The following ESRRG variants were observed in gnomAD, a reference collection of about 807,000 sequenced individuals.
The protein encoded by ESRRG is estrogen-related receptor gamma.
A neutral mutation model predicts 44.0 loss-of-function variants in ESRRG; 13 were observed. The observed-to-expected ratio is 0.30, with a 90% confidence interval of 0.19 to 0.47. The LOEUF (loss-of-function observed/expected upper bound fraction) is 0.47. ESRRG is among the 20% of genes least tolerant of loss of function. ESRRG has a pLI of 1.00. For missense variants in ESRRG, 395 were observed against 580.6 expected (o/e 0.68, Z 3.29); for synonymous variants, 215 against 214.6 (o/e 1.00, Z -0.02).
At chr1:216,722,103 T>C (rs1282920591) in intron 1 of ESRRG, among the ~76,000 whole-genome samples, 5 of 152,200 alleles carry the variant, frequency 3.3e-5, no homozygotes, top group African/African-American at 9.6e-5. Context: ...CAATGCAATA[T>C]GCAGTCACTA....
chr1:216,903,756 TGCCCCTGACA>T, intron 2 of ESRRG, among the ~76,000 whole-genome samples: 1 of 152,168 alleles, frequency 6.6e-6, no homozygotes, highest in East Asian at 1.9e-4. Context: ...TTAAACTAAA[TGCCCCTGACA>T]TGCCATCTAT....
intron 1 of ESRRG, among the ~76,000 whole-genome samples, chr1:217,035,409 T>C (rs552975513): frequency 2.1e-4 from 31 of 151,024 alleles, no homozygotes; most frequent in Admixed American, 1.2e-3. Context: ...CTAGTCCTAG[T>C]GGGTACATAA....
At chr1:217,088,994 G>A (rs1483816128) in intron 1 of ESRRG, among the ~76,000 whole-genome samples, 1 of 152,046 alleles carries the variant, frequency 6.6e-6, no homozygotes, top group African/African-American at 2.4e-5. Context: ...GGAAAGCAGC[G>A]TAGAGGACAG....
At chr1:216,851,272 A>G (rs191976970) in intron 2 of ESRRG, among the ~76,000 whole-genome samples, 43 of 152,228 alleles carry the variant, frequency 2.8e-4, no homozygotes, top group South Asian at 1.2e-3. Flanking sequence ...TTGAGTCAGC[A>G]GACCTGAAAC....
At chr1:216,849,883 T>C (rs2095815302) in intron 2 of ESRRG, among the ~76,000 whole-genome samples, 1 of 152,120 alleles carries the variant, frequency 6.6e-6, no homozygotes, top group African/African-American at 2.4e-5. Flanking sequence ...ACATGACTCT[T>C]TCAACTATTC....
At chr1:216,695,406 T>C (rs1260756422) in intron 1 of ESRRG, among the ~76,000 whole-genome samples, 1 of 152,158 alleles carries the variant, frequency 6.6e-6, no homozygotes, top group Non-Finnish European at 1.5e-5. Flanking sequence ...TATTATACAA[T>C]AGTTATGCAA....
chr1:216,685,370 T>G (rs902363672), intron 1 of ESRRG, among the ~76,000 whole-genome samples: 17 of 152,216 alleles, frequency 1.1e-4, no homozygotes, highest in African/African-American at 2.4e-5. Context: ...CAGTAAGCTT[T>G]CTAGGGGAAA....
intron 2 of ESRRG, among the ~76,000 whole-genome samples, chr1:216,830,851 A>T (rs982778322): frequency 2.0e-5 from 3 of 152,206 alleles, no homozygotes; most frequent in African/African-American, 7.2e-5. Flanking sequence ...GGATGCTTTT[A>T]TGAGGCTATA....
chr1:216,579,224 T>A (rs1242184850), intron 3 of ESRRG, among the ~76,000 whole-genome samples: 1 of 152,158 alleles, frequency 6.6e-6, no homozygotes, highest in African/African-American at 2.4e-5. Flanking sequence ...TATTTGGACA[T>A]CTGGATTACA....
intron 2 of ESRRG, among the ~76,000 whole-genome samples, chr1:216,651,858 A>G (rs2069063526): frequency 6.6e-6 from 1 of 152,200 alleles, no homozygotes; most frequent in African/African-American, 2.4e-5. Context: ...TAGTACCTAC[A>G]TATTTAAAAT....
At chr1:216,983,591 A>G (rs572547211) in intron 1 of ESRRG, among the ~76,000 whole-genome samples, 1 of 151,652 alleles carries the variant, frequency 6.6e-6, no homozygotes, top group South Asian at 2.1e-4. Context: ...AGCAGGTATC[A>G]AAGATCTTCC....
intron 2 of ESRRG, among the ~76,000 whole-genome samples, chr1:216,902,650 G>A (rs567426486): frequency 6.6e-6 from 1 of 152,270 alleles, no homozygotes; most frequent in African/African-American, 2.4e-5. Flanking sequence ...TCTGTAGTGA[G>A]CTGGTAAATA....
At chr1:216,929,523 A>G (rs533287184) in intron 2 of ESRRG, among the ~76,000 whole-genome samples, 1 of 152,306 alleles carries the variant, frequency 6.6e-6, no homozygotes, top group Admixed American at 6.5e-5. Context: ...AAATGTTTTT[A>G]AGCTGAGACC....
At chr1:216,779,845 T>C (rs937116621) in intron 2 of ESRRG, among the ~76,000 whole-genome samples, 1 of 151,578 alleles carries the variant, frequency 6.6e-6, no homozygotes, top group Non-Finnish European at 1.5e-5. Flanking sequence ...GACAGCTGGC[T>C]TATCTCTCTG....
upstream of ESRRG, among the ~76,000 whole-genome samples, chr1:217,091,835 A>G (rs2092350242): frequency 6.6e-6 from 1 of 152,214 alleles, no homozygotes; most frequent in Non-Finnish European, 1.5e-5. Context: ...GGTACTCGTT[A>G]ATATTCAATC....
upstream of ESRRG, among the ~76,000 whole-genome samples, chr1:216,727,456 T>C (rs11572663): frequency 0.062 from 9,365 of 152,186 alleles, 363 homozygotes; most frequent in African/African-American, 0.091. Flanking sequence ...ATGGGTAGGT[T>C]GCCTCACTTA....
chr1:216,914,919 G>T (rs1334487356), intron 2 of ESRRG, among the ~76,000 whole-genome samples: 4 of 152,180 alleles, frequency 2.6e-5, no homozygotes, highest in Non-Finnish European at 5.9e-5. Context: ...CTGAAAAAAT[G>T]TTCACAGCAC....
At chr1:216,840,032 T>C (rs2095627012) in intron 2 of ESRRG, among the ~76,000 whole-genome samples, 1 of 152,054 alleles carries the variant, frequency 6.6e-6, no homozygotes, top group East Asian at 1.9e-4. Flanking sequence ...AACAAGAGAG[T>C]CAGCTTGTTC....
At chr1:216,928,249 TA>T (rs1185619232) in intron 2 of ESRRG, among the ~76,000 whole-genome samples, 1 of 152,166 alleles carries the variant, frequency 6.6e-6, no homozygotes. Flanking sequence ...CCCTGTAAAA[TA>T]TCTGTGGGCA....
Sources: gnomAD v4.1 joint callset for allele counts (sites outside exome capture counted in the v4.1 genomes callset) on GRCh38, gnomAD v4.1.1 for gene constraint, MANE v1.5 for transcripts, NCBI Gene and HGNC (gene_info 2026-07-23, HGNC 2026-07-21) for gene names.